Variants in TOP1MT observed in about 807,000 individuals in gnomAD.
The protein encoded by TOP1MT is DNA topoisomerase I mitochondrial, also known as DNA topoisomerase I, mitochondrial.
TOP1MT carries 80 observed loss-of-function variants against 73.9 expected under a neutral mutation model. The ratio of observed to expected loss-of-function variants is 1.08; its 90% CI spans 0.90 to 1.30. The LOEUF (loss-of-function observed/expected upper bound fraction) is 1.30, where lower values mean the gene tolerates loss of function less well. TOP1MT is among the 50% of genes most tolerant of loss of function. The pLI, the probability that TOP1MT is intolerant of heterozygous loss-of-function variation, is 0.00. For missense variants in TOP1MT, 815 were observed against 808.0 expected, an observed-to-expected ratio of 1.01 and a Z score of -0.10; for synonymous variants, 338 against 326.4, an observed-to-expected ratio of 1.04 and a Z score of -0.38.
upstream of TOP1MT, among the ~76,000 whole-genome samples, chr8:143,349,877 T>C (rs139457742): frequency 1.1e-3 from 173 of 152,166 alleles, 1 homozygote; most frequent in Admixed American, 4.1e-3. Flanking sequence ...CTGACCTCAA[T>C]TGATCTGCCC....
chr8:143,325,831 G>A (rs1816692505), intron 4 of TOP1MT, among the ~76,000 whole-genome samples: 1 of 152,188 alleles, frequency 6.6e-6, no homozygotes, highest in African/African-American at 2.4e-5. Flanking sequence ...TGCCCGCCAT[G>A]GAGGAGGAGG....
intron 7 of TOP1MT, among the ~76,000 whole-genome samples, chr8:143,322,385 G>T (rs1242206516): frequency 1.6e-5 from 1 of 63,422 alleles, no homozygotes; most frequent in African/African-American, 5.0e-5. Flanking sequence ...CGCCACACAC[G>T]CACGCCACAC....
At chr8:143,357,466 T>C (rs968171651), upstream of TOP1MT, among the ~76,000 whole-genome samples, 27 of 150,362 alleles carry the variant, frequency 1.8e-4, no homozygotes, top group Admixed American at 2.6e-4. Context: ...ATATTGAACA[T>C]GTTGAAGATT....
intron 8 of TOP1MT, among the ~76,000 whole-genome samples, chr8:143,320,291 G>A (rs1024084863): frequency 6.6e-6 from 1 of 152,072 alleles, no homozygotes; most frequent in South Asian, 2.1e-4. Context: ...ACGATGCCCG[G>A]CTAATTTTTT....
chr8:143,314,034 C>T (rs540107103), intron 12 of TOP1MT, among the ~76,000 whole-genome samples: 2 of 152,274 alleles, frequency 1.3e-5, no homozygotes, highest in African/African-American at 2.4e-5. Context: ...AGAGCACCCA[C>T]GGCCAGACGC....
At position 143,351,255 on chromosome 8, in the gene TOP1MT, T is replaced by C. The variant is rs150412005; in HGVS notation, c.-39+4710A>G. Reference sequence around the variant, plus strand: ...GCGGCCTCTCCTGGAAAATCTGCCTTACCATCTTCAACAAGTGTCATAAAA... The same window carrying C: ...GCGGCCTCTCCTGGAAAATCTGCCTCACCATCTTCAACAAGTGTCATAAAA... On this transcript the variant is annotated intron_variant, in intron 1 of 5. Coordinates refer to the TOP1MT transcript ENST00000518760. Among the ~76,000 whole-genome samples, 34 of 152,276 alleles carry C rather than the reference T, an allele frequency of 2.2e-4. 1 individual carries two copies. The East Asian group carries it at 6.4e-3, about 29-fold the overall frequency.
At chr8:143,322,947 ACACGC>A (rs1816544385) in intron 7 of TOP1MT, among the ~76,000 whole-genome samples, 1 of 43,932 alleles carries the variant, frequency 2.3e-5, no homozygotes. Flanking sequence ...GGCACGCCAC[ACACGC>A]CACACACGCA....
intron 8 of TOP1MT, among the ~76,000 whole-genome samples, chr8:143,319,768 G>A (rs1816277636): frequency 6.6e-6 from 1 of 152,106 alleles, no homozygotes. Flanking sequence ...GTGTACTGGG[G>A]TGAAAAGTGT....
rs1298059631 is a variant in TOP1MT at position 143,325,548 on chromosome 8, C to T, written c.484-15G>A. On this transcript the variant is annotated splice_polypyrimidine_tract_variant and intron_variant, in intron 4 of 13. Transcript: ENST00000329245. Reference sequence around the variant, plus strand: ...TCTTTTAGCTTCTGAGTTAATAAAACAGTCAGTGGACATTAGCAGTGAAGA... The same window carrying T: ...TCTTTTAGCTTCTGAGTTAATAAAATAGTCAGTGGACATTAGCAGTGAAGA... 2 of 1,600,822 alleles carry T rather than the reference C, an allele frequency of 1.2e-6. No individual in the cohort carries two copies. The highest frequency in any genetic ancestry group is 1.7e-5 in the Admixed American group (1 of 59,664).
At chr8:143,321,790 C>CAT (rs1195351175) in intron 7 of TOP1MT, among the ~76,000 whole-genome samples, 3 of 80,734 alleles carry the variant, frequency 3.7e-5, no homozygotes, top group African/African-American at 8.5e-5. Context: ...ACGCCACACA[C>CAT]GCACGCCACA....
At chr8:143,318,306 G>A (rs1357882808) in intron 8 of TOP1MT, among the ~76,000 whole-genome samples, 1 of 152,214 alleles carries the variant, frequency 6.6e-6, no homozygotes, top group Non-Finnish European at 1.5e-5. Context: ...TGCTCAGGAG[G>A]TGGGCGTGAC....
chr8:143,309,980 G>A (rs763996332), intron 13 of TOP1MT, 88 bp downstream of exon 13: 1 of 1,597,416 alleles, frequency 6.3e-7, no homozygotes. Context: ...ACGGGACAAG[G>A]GCAATGCTGG....
At chr8:143,354,563 T>C (rs575627018) in intron 1 of TOP1MT, among the ~76,000 whole-genome samples, 1 of 151,992 alleles carries the variant, frequency 6.6e-6, no homozygotes, top group South Asian at 2.1e-4. Context: ...AAATACAAAA[T>C]TAGCCAGGCG....
At chr8:143,359,214 C>T, upstream of TOP1MT, 2 of 984,486 alleles carry the variant, frequency 2.0e-6, no homozygotes, top group Non-Finnish European at 2.4e-6. Flanking sequence ...TAGCTGGGAG[C>T]TTATGGCTTT....
At chr8:143,332,306 G>A (rs965968380) in intron 1 of TOP1MT, among the ~76,000 whole-genome samples, 3 of 152,170 alleles carry the variant, frequency 2.0e-5, no homozygotes, top group Admixed American at 6.5e-5. Flanking sequence ...GGGCAGGCTC[G>A]GTCAGCAGGG....
At chr8:143,348,440 AC>A (rs1475263873), upstream of TOP1MT, among the ~76,000 whole-genome samples, 1 of 151,784 alleles carries the variant, frequency 6.6e-6, no homozygotes, top group African/African-American at 2.4e-5. This position sits in a 1 kb window ranked among gnomAD's most constrained non-coding sequence, Gnocchi z 4.6. Flanking sequence ...TCTGTCCCAC[AC>A]TCACCTGACA....
chr8:143,326,436 C>T (rs1203318455), intron 3 of TOP1MT, 92 bp from the exon 4 acceptor site: 15 of 1,558,210 alleles, frequency 9.6e-6, no homozygotes, highest in Admixed American at 3.5e-5. Context: ...AACGCGCTCT[C>T]GCCATGTCCG....
At chr8:143,309,689 A>G in intron 13 of TOP1MT, 146 bp from the exon 14 acceptor site, 1 of 1,515,060 alleles carries the variant, frequency 6.6e-7, no homozygotes, top group Non-Finnish European at 8.8e-7. Context: ...CTCTAGGCCA[A>G]CCCCACCCCA....
In TOP1MT at chr8:143,344,430, GC is replaced by G. The variant is rs1817184080; in HGVS notation, c.-39+485del. Reference sequence around the variant, plus strand: ...GTGGCAGGAGCTCAGGAGGCTTTGGGCTGGCCCTGAGACACCACCACCCACT... The same window carrying G: ...GTGGCAGGAGCTCAGGAGGCTTTGGGTGGCCCTGAGACACCACCACCCACT... On this transcript the variant is annotated intron_variant, in intron 1 of 5. Coordinates refer to the TOP1MT transcript ENST00000518007. This position sits in a 1 kb window ranked among gnomAD's most constrained non-coding sequence, Gnocchi z 4.6. 1 of 152,296 alleles carries G rather than the reference GC, an allele frequency of 6.6e-6. No individual in the cohort carries two copies. The highest frequency in any genetic ancestry group is 6.5e-5 in the Admixed American group (1 of 15,274). The allele number at this position is 152,296 out of a possible 1,614,324, so 9.4% of individuals were successfully genotyped here. A position where few individuals can be genotyped will look rare whatever the true frequency, so the allele number is the denominator to read the frequency against.
Sources: gnomAD v4.1 joint callset for allele counts (sites outside exome capture counted in the v4.1 genomes callset) on GRCh38, gnomAD v4.1.1 for gene constraint, Gnocchi (gnomAD v3.1) non-coding constraint, MANE v1.5 for transcripts, NCBI Gene and HGNC (gene_info 2026-07-23, HGNC 2026-07-21) for gene names.